ZFHX3: variants seen among roughly 807,000 people sequenced by gnomAD.
ZFHX3 encodes the protein zinc finger homeobox 3.
A neutral mutation model predicts 279.1 loss-of-function variants in ZFHX3; 42 were observed. That is an observed-to-expected ratio of 0.15 (90% confidence interval 0.12 to 0.19). The LOEUF is 0.19. Ranked by LOEUF, ZFHX3 falls within the 10% of genes least tolerant of loss-of-function variation. The pLI, the probability that ZFHX3 is intolerant of heterozygous loss-of-function variation, is 1.00. For missense variants in ZFHX3, 4,981 were observed against 4,754.0 expected (o/e 1.05, Z -1.40); for synonymous variants, 2,293 against 1,957.8 (o/e 1.17, Z -4.52).
Position 73,352,637 on chromosome 16 carries a change from G to A in ZFHX3, c.-1290-34301C>T, listed in dbSNP as rs563198887. Among the ~76,000 whole-genome samples, 316 of 151,916 alleles carry A rather than the reference G, an allele frequency of 2.1e-3. 1 individual carries two copies. The highest frequency in any genetic ancestry group is 3.1e-3 in the Non-Finnish European group (211 of 67,950). On this transcript the variant is annotated intron_variant, in intron 3 of 17. Transcript: ENST00000641206. ...TGGGACTACAGGCATGTGCCACCAC[G>A]CCAGGTTGATTTAAAAAAGTTTTTT...
chr16:73,638,794 G>A (rs759894043), intron 2 of ZFHX3, among the ~76,000 whole-genome samples: 3 of 152,124 alleles, frequency 2.0e-5, no homozygotes, highest in Non-Finnish European at 2.9e-5. Context: ...AATGTTTGTT[G>A]AATGAAGGAA....
chr16:73,160,305 T>C (rs1967198656), intron 5 of ZFHX3, among the ~76,000 whole-genome samples: 1 of 152,138 alleles, frequency 6.6e-6, no homozygotes, highest in African/African-American at 2.4e-5. Context: ...ACTGAATCAG[T>C]AATAAATAGC....
intron 3 of ZFHX3, among the ~76,000 whole-genome samples, chr16:73,357,886 T>C (rs2016371018): frequency 6.6e-6 from 1 of 152,168 alleles, no homozygotes; most frequent in South Asian, 2.1e-4. Context: ...TGCTGTCTAA[T>C]ATCCTTCAGG....
At chr16:73,131,835 A>G (rs1182231779) in intron 6 of ZFHX3, among the ~76,000 whole-genome samples, 3 of 152,130 alleles carry the variant, frequency 2.0e-5, no homozygotes, top group Non-Finnish European at 4.4e-5. Context: ...AGCAAGTTGC[A>G]TTTTCTGGGA....
chr16:73,008,369 A>G (rs1238145802), intron 1 of ZFHX3, among the ~76,000 whole-genome samples: 1 of 152,236 alleles, frequency 6.6e-6, no homozygotes, highest in Non-Finnish European at 1.5e-5. Context: ...ACTGGATTTC[A>G]TTAACATGTT....
intron 4 of ZFHX3, among the ~76,000 whole-genome samples, chr16:73,272,169 G>C (rs1028859439): frequency 6.6e-6 from 1 of 152,140 alleles, no homozygotes; most frequent in Admixed American, 6.5e-5. Flanking sequence ...CTTTTATTTG[G>C]AGATTATATT....
chr16:72,898,389 C>T (rs1489363630), intron 3 of ZFHX3, among the ~76,000 whole-genome samples: 4 of 152,210 alleles, frequency 2.6e-5, no homozygotes, highest in Non-Finnish European at 4.4e-5. Flanking sequence ...GCTCACTCTC[C>T]GTATCCAAGG....
chr16:73,366,766 G>C (rs1331000372), intron 3 of ZFHX3, among the ~76,000 whole-genome samples: 2 of 152,106 alleles, frequency 1.3e-5, no homozygotes, highest in South Asian at 2.1e-4. Flanking sequence ...AATTTTTCCT[G>C]AGATGAGGTG....
chr16:73,672,703 G>C (rs770613416), intron 2 of ZFHX3, among the ~76,000 whole-genome samples: 1 of 151,392 alleles, frequency 6.6e-6, no homozygotes, highest in East Asian at 1.9e-4. Flanking sequence ...CAACACTAAG[G>C]TTTTGTGGAC....
intron 1 of ZFHX3, among the ~76,000 whole-genome samples, chr16:73,710,240 G>A (rs1162247045): frequency 6.6e-6 from 1 of 152,120 alleles, no homozygotes; most frequent in African/African-American, 2.4e-5. Context: ...GATGCATTAA[G>A]CATTTAAATC....
intron 4 of ZFHX3, among the ~76,000 whole-genome samples, chr16:73,287,232 T>C: frequency 6.8e-6 from 1 of 146,220 alleles, no homozygotes; most frequent in Non-Finnish European, 1.5e-5. Flanking sequence ...AGTGGCTGTG[T>C]GGGTCAGTGT....
intron 1 of ZFHX3, among the ~76,000 whole-genome samples, chr16:73,847,760 T>C (rs1161886850): frequency 6.6e-6 from 1 of 152,060 alleles, no homozygotes; most frequent in East Asian, 1.9e-4. Flanking sequence ...TATGATGAGA[T>C]GGAGTCTCCC....
chr16:73,303,233 G>T (rs2015100376), intron 4 of ZFHX3, among the ~76,000 whole-genome samples: 1 of 152,056 alleles, frequency 6.6e-6, no homozygotes, highest in Non-Finnish European at 1.5e-5. Context: ...TTGCTGTGTT[G>T]CCCAGGCTGG....
At chr16:73,194,241 C>A (rs1415723930) in intron 5 of ZFHX3, among the ~76,000 whole-genome samples, 1 of 151,934 alleles carries the variant, frequency 6.6e-6, no homozygotes, top group South Asian at 2.1e-4. Flanking sequence ...ATTTTGTCAC[C>A]CAGGCTGGAG....
chr16:73,161,631 T>G (rs1340819984), intron 5 of ZFHX3, among the ~76,000 whole-genome samples: 1 of 152,176 alleles, frequency 6.6e-6, no homozygotes, highest in Non-Finnish European at 1.5e-5. Flanking sequence ...TGATGAGAAG[T>G]GCTTGTTAAA....
intron 2 of ZFHX3, among the ~76,000 whole-genome samples, chr16:73,564,597 C>A (rs765260701): frequency 2.0e-5 from 3 of 152,188 alleles, no homozygotes; most frequent in Non-Finnish European, 4.4e-5. Context: ...AGAGCAAACT[C>A]TGTACAAACA....
At chr16:73,702,757 C>T (rs1273990306) in intron 1 of ZFHX3, among the ~76,000 whole-genome samples, 4 of 152,032 alleles carry the variant, frequency 2.6e-5, no homozygotes, top group African/African-American at 7.3e-5. Flanking sequence ...TTTCTAATAC[C>T]TATACAAAAA....
intron 1 of ZFHX3, among the ~76,000 whole-genome samples, chr16:73,810,684 G>C (rs1960403015): frequency 6.6e-6 from 1 of 151,998 alleles, no homozygotes; most frequent in South Asian, 2.1e-4. Context: ...ACTTAGCCAA[G>C]GTCATTCAAC....
intron 8 of ZFHX3, among the ~76,000 whole-genome samples, chr16:73,070,891 T>G (rs1305898219): frequency 6.7e-6 from 1 of 148,446 alleles, no homozygotes; most frequent in Non-Finnish European, 1.5e-5. Flanking sequence ...CTTTTCCCCT[T>G]GCGGGCTGGT....
Sources: gnomAD v4.1 joint callset for allele counts (sites outside exome capture counted in the v4.1 genomes callset) on GRCh38, gnomAD v4.1.1 for gene constraint, MANE v1.5 for transcripts, NCBI Gene and HGNC (gene_info 2026-07-23, HGNC 2026-07-21) for gene names.